TMC2: variants seen among roughly 807,000 people sequenced by gnomAD.
TMC2 encodes the protein transmembrane channel like 2.
Under a neutral mutation model 105.9 loss-of-function variants are expected in TMC2, and 102 were observed. That is an observed-to-expected ratio of 0.96 (90% CI 0.82 to 1.14). TMC2 has a LOEUF of 1.14. Among genes scored for constraint, TMC2 ranks in the 50% most tolerant of loss-of-function variants. TMC2 has a pLI of 0.00. For missense variants in TMC2, 1,093 were observed against 1,134.3 expected, an observed-to-expected ratio of 0.96 and a Z score of 0.52; for synonymous variants, 402 against 422.8, an observed-to-expected ratio of 0.95 and a Z score of 0.60.
chr20:2,547,343 C>T (rs2085931680), intron 2 of TMC2, among the ~76,000 whole-genome samples: 1 of 152,106 alleles, frequency 6.6e-6, no homozygotes, highest in Non-Finnish European at 1.5e-5. Flanking sequence ...AGGCAGAGCA[C>T]CACCAGGACT....
At chr20:2,575,981 T>A in intron 5 of TMC2, among the ~76,000 whole-genome samples, 1 of 152,234 alleles carries the variant, frequency 6.6e-6, no homozygotes, top group Non-Finnish European at 1.5e-5. Context: ...CTATTAGGAA[T>A]GCTGACCTGC....
chr20:2,558,833 CT>C lies in TMC2; in HGVS notation c.401+61del. 1 of 1,459,542 alleles carries C rather than the reference CT, an allele frequency of 6.9e-7. No homozygotes were observed. The highest frequency in any genetic ancestry group is 9.1e-7 in the Non-Finnish European group (1 of 1,100,372). The allele number at this position is 1,459,542 out of a possible 1,614,324, so 90.4% of individuals were successfully genotyped here. A position where few individuals can be genotyped will look rare whatever the true frequency, so the allele number is the denominator to read the frequency against. ...CGCGCGCTCCCGCTCCTTCGCGGCC[CT>C]TCCCCTTCCCCCGTGAGGGACTGAT... On this transcript the variant is annotated intron_variant, in intron 3 of 19. Coordinates refer to ENST00000358864, the MANE Select transcript of TMC2 (RefSeq NM_080751.3). The surrounding 1 kb of genome is among the most constrained non-coding windows in gnomAD (Gnocchi z 4.6).
intron 18 of TMC2, among the ~76,000 whole-genome samples, chr20:2,636,286 C>A (rs1173178829): frequency 6.6e-6 from 1 of 152,032 alleles, no homozygotes; most frequent in Non-Finnish European, 1.5e-5. Context: ...ACAGAAAAAG[C>A]CAGTATCCAC....
intron 16 of TMC2, among the ~76,000 whole-genome samples, chr20:2,622,877 T>G (rs1395660944): frequency 6.6e-6 from 1 of 152,116 alleles, no homozygotes; most frequent in African/African-American, 2.4e-5. Context: ...CTATATCCTC[T>G]AAACAATCTT....
chr20:2,631,061 A>ATTTTAT (rs1245628471), intron 17 of TMC2, among the ~76,000 whole-genome samples: 2 of 151,938 alleles, frequency 1.3e-5, no homozygotes, highest in Non-Finnish European at 2.9e-5. Context: ...ACATAATTTT[A>ATTTTAT]GTTCCCACGT....
At chr20:2,538,572 G>A (rs1304105483) in intron 2 of TMC2, among the ~76,000 whole-genome samples, 2 of 152,106 alleles carry the variant, frequency 1.3e-5, no homozygotes, top group Non-Finnish European at 2.9e-5. Flanking sequence ...CACCCAGCCT[G>A]GCCTCCCTCT....
At chr20:2,639,654 T>A (rs183309644) in intron 19 of TMC2, among the ~76,000 whole-genome samples, 1 of 152,228 alleles carries the variant, frequency 6.6e-6, no homozygotes, top group Admixed American at 6.5e-5. Flanking sequence ...GTTTATATTC[T>A]CTGAAAAGAG....
chr20:2,637,340 T>G, intron 18 of TMC2, 134 bp from the exon 19 acceptor site: 1 of 577,222 alleles, frequency 1.7e-6, no homozygotes, highest in Non-Finnish European at 3.1e-6. Flanking sequence ...GTGAGCCGAG[T>G]TCACGCCGCT....
At chr20:2,585,324 C>A (rs143350787) in intron 7 of TMC2, among the ~76,000 whole-genome samples, 3 of 152,130 alleles carry the variant, frequency 2.0e-5, no homozygotes, top group African/African-American at 7.2e-5. Context: ...AGGTCTTTTT[C>A]TTTTATATCT....
chr20:2,546,447 G>C (rs13045224), intron 2 of TMC2, among the ~76,000 whole-genome samples: 96,719 of 151,914 alleles, frequency 0.64, 31,114 homozygotes, highest in African/African-American at 0.72. Flanking sequence ...GAATAGGAAA[G>C]AGAAGAATAT....
Position 2,579,144 on chromosome 20 carries a change from A to C in TMC2, c.646-2A>C. The C allele has an allele frequency of 1.3e-6, 2 of 1,548,854 alleles. No homozygotes were observed. The highest frequency in any genetic ancestry group is 1.8e-6 in the Non-Finnish European group (2 of 1,121,052). On this transcript the variant is annotated splice_acceptor_variant, in intron 5 of 19. Coordinates refer to ENST00000358864, the MANE Select transcript of TMC2 (RefSeq NM_080751.3). LOFTEE classifies it high-confidence loss of function. The stretch of plus-strand genomic sequence containing the variant: ...CTGAGAGTTTTACGTCTTTTATTTC[A>C]GAAATGGGTCAAATTTAAGAGAGAC...
chr20:2,637,186 GA>G (rs1469332722), intron 18 of TMC2, among the ~76,000 whole-genome samples: 1 of 146,378 alleles, frequency 6.8e-6, no homozygotes, highest in Non-Finnish European at 1.5e-5. Flanking sequence ...GTCAGGAGTT[GA>G]AGACCAGCTG....
At chr20:2,545,918 AATG>A (rs1217485704) in intron 2 of TMC2, among the ~76,000 whole-genome samples, 2 of 137,646 alleles carry the variant, frequency 1.5e-5, no homozygotes, top group African/African-American at 5.6e-5. Context: ...AAAAGAAAGA[AATG>A]AAAGAAAGAA....
At chr20:2,623,032 C>G (rs2086536877) in intron 16 of TMC2, among the ~76,000 whole-genome samples, 1 of 151,910 alleles carries the variant, frequency 6.6e-6, no homozygotes, top group African/African-American at 2.4e-5. Context: ...ATTGAACATC[C>G]AATAGAACTT....
chr20:2,640,406 A>G (rs2086680045), intron 19 of TMC2, among the ~76,000 whole-genome samples: 1 of 152,190 alleles, frequency 6.6e-6, no homozygotes, highest in South Asian at 2.1e-4. Flanking sequence ...TGCAACAAAG[A>G]GGCCCAAAAT....
chr20:2,586,515 G>A (rs1731179799), intron 7 of TMC2, among the ~76,000 whole-genome samples: 1 of 152,194 alleles, frequency 6.6e-6, no homozygotes, highest in Non-Finnish European at 1.5e-5. Flanking sequence ...ATCTGCTTCT[G>A]TTAAGGGCCT....
At chr20:2,546,671 T>C (rs953558517) in intron 2 of TMC2, among the ~76,000 whole-genome samples, 1 of 152,288 alleles carries the variant, frequency 6.6e-6, no homozygotes, top group African/African-American at 2.4e-5. Context: ...AGCATGTTAG[T>C]CATTACCTAA....
chr20:2,615,495 G>C (rs978269939), intron 14 of TMC2, among the ~76,000 whole-genome samples: 4 of 152,302 alleles, frequency 2.6e-5, no homozygotes, highest in Middle Eastern at 3.4e-3. Flanking sequence ...GTGGGCTTTA[G>C]CATGCTTCAT....
In TMC2 at chr20:2,617,203, C is replaced by T. The variant is rs2086489778; in HGVS notation, c.2072C>T (p.Ser691Phe). 3 of 1,614,256 alleles carry T rather than the reference C, an allele frequency of 1.9e-6. No individual in the cohort carries two copies. The highest frequency in any genetic ancestry group is 2.5e-6 in the Non-Finnish European group (3 of 1,180,044). The change falls in exon 16 of 20, where the codon TCC becomes TTC. Residue 691 changes from serine to phenylalanine, a missense_variant. By Grantham distance (155) the Ser-to-Phe change is radical. Transcript: ENST00000358864. ...GAACGCGTGTTCAAAGCCTCCCGAT[C>T]CAACAACTTCTACATGGGCCTCCTG... The part of the protein sequence containing the change: ...PHERVFKASR[S>F]NNFYMGLLLL...
Sources: allele counts gnomAD v4.1 joint callset (sites outside exome capture counted in the v4.1 genomes callset), GRCh38; gene constraint gnomAD v4.1.1; non-coding constraint Gnocchi (gnomAD v3.1); transcripts MANE v1.5; gene names NCBI Gene and HGNC (gene_info 2026-07-23, HGNC 2026-07-21).